Variants in DOT1L observed in about 807,000 individuals in gnomAD.
The protein encoded by DOT1L is DOT1 like histone lysine methyltransferase, also known as histone-lysine N-methyltransferase, H3 lysine-79 specific.
In DOT1L, 33 loss-of-function variants were observed where a neutral mutation model predicts 153.3. That is an observed-to-expected ratio of 0.22 (90% CI 0.16 to 0.29). The LOEUF (loss-of-function observed/expected upper bound fraction) is 0.29. DOT1L is among the 10% of genes least tolerant of loss of function. The probability of loss-of-function intolerance (pLI) is 1.00; values close to 1 mark genes in which losing one functional copy is unlikely to be tolerated. For synonymous variants in DOT1L, 1,135 were observed against 965.1 expected, an observed-to-expected ratio of 1.18 and a Z score of -3.26; for missense variants, 1,847 against 2,119.9, an observed-to-expected ratio of 0.87 and a Z score of 2.53.
Position 2,222,407 on chromosome 19 carries a change from G to A in DOT1L, c.3238G>A (p.Gly1080Arg), listed in dbSNP as rs755921261. The A allele has an allele frequency of 7.4e-6, 12 of 1,610,898 alleles. No homozygotes were observed. Among genetic ancestry groups the A allele is most frequent in the East Asian group, 2.2e-5 (1 of 44,836 alleles). Residue 1080 changes from glycine to arginine, a missense_variant, in exon 24 of 28, where the codon GGG becomes AGG. Gly to Arg is a moderately radical substitution (Grantham distance 125). Around this residue, in one of 8 missense-constraint regions of DOT1L, gnomAD observed 934 missense variants for 825.3 expected, o/e 1.13. Coordinates refer to ENST00000398665, the MANE Select transcript of DOT1L (RefSeq NM_032482.3). The surrounding 1 kb of genome is among the most constrained non-coding windows in gnomAD (Gnocchi z 6.5). ...SARGDCVPSH[G>R]QDSRRRGRRK... ...CCGTGGGGACTGTGTGCCGAGCCAC[G>A]GGCAGGACAGTCGCAGGCGCGGCCG... is the stretch of plus-strand genomic sequence containing the variant.
At chr19:2,184,138 G>C (rs897025279) in intron 2 of DOT1L, among the ~76,000 whole-genome samples, 1 of 152,120 alleles carries the variant, frequency 6.6e-6, no homozygotes, top group Non-Finnish European at 1.5e-5. Context: ...TTTTCTTGCC[G>C]AGTTGCGCTG....
At chr19:2,214,741 C>A in intron 19 of DOT1L, 145 bp downstream of exon 19, 1 of 1,287,516 alleles carries the variant, frequency 7.8e-7, no homozygotes. Flanking sequence ...CTTATGGAAC[C>A]TTCTGTCTTG....
intron 1 of DOT1L, among the ~76,000 whole-genome samples, chr19:2,173,948 C>T (rs997937162): frequency 1.2e-4 from 18 of 152,284 alleles, no homozygotes; most frequent in Admixed American, 7.8e-4. Context: ...TTGGTTGTTG[C>T]GTAGCTTGGG....
rs2023956242 is a variant in DOT1L, at chr19:2,217,690, A to T, written c.2545-82A>T. 6.6e-7 allele frequency: 1 copy of T among 1,517,444 alleles called. No individual in the cohort carries two copies. The highest frequency in any genetic ancestry group is 2.5e-5 in the East Asian group (1 of 40,568). 94.0% of individuals were successfully genotyped at this position (1,517,444 alleles called of 1,614,324 possible). A position where few individuals can be genotyped will look rare whatever the true frequency, so the allele number is the denominator to read the frequency against. On this transcript the variant is annotated intron_variant, in intron 21 of 27. Coordinates refer to ENST00000398665, the MANE Select transcript of DOT1L (RefSeq NM_032482.3). The surrounding 1 kb of genome is among the most constrained non-coding windows in gnomAD (Gnocchi z 7.3). ...GGGGCCGCCTTGAGAGAGCTGTAGC[A>T]GGCCCCCGTCCTGTGGCTGTGGTCC...
At chr19:2,166,654 G>A (rs182098535) in intron 1 of DOT1L, among the ~76,000 whole-genome samples, 32 of 152,176 alleles carry the variant, frequency 2.1e-4, no homozygotes, top group Admixed American at 4.6e-4. Flanking sequence ...CAGGTGATCC[G>A]CCTGCCTTGG....
chr19:2,227,521 G>A, intron 27 of DOT1L: 1 of 538,696 alleles, frequency 1.9e-6, no homozygotes, highest in Non-Finnish European at 3.3e-6. Context: ...GGAGCCGCCG[G>A]GGGGAGCGGC....
At chr19:2,214,669 C>T in intron 19 of DOT1L, 73 bp downstream of exon 19, 1 of 1,562,240 alleles carries the variant, frequency 6.4e-7, no homozygotes, top group Non-Finnish European at 8.7e-7. Flanking sequence ...CGTCGTTGAG[C>T]CTAGGGTGGT....
chr19:2,186,271 G>A (rs2022503728), intron 3 of DOT1L, among the ~76,000 whole-genome samples: 1 of 152,204 alleles, frequency 6.6e-6, no homozygotes, highest in South Asian at 2.1e-4. Context: ...GGGCCTGGGC[G>A]GCCTTAGGCT....
rs2144905966 is a variant in DOT1L, at chr19:2,222,444, C to T, written c.3275C>T (p.Ala1092Val). 2 of 1,608,886 alleles carry T rather than the reference C, an allele frequency of 1.2e-6. No homozygotes were observed. Among genetic ancestry groups the T allele is most frequent in the South Asian group, 2.2e-5 (2 of 90,932 alleles). The part of the protein sequence containing the change: ...DSRRRGRRKR[A>V]SAGTPSLSAG... ...CGCAGGCGCGGCCGGCGGAAGCGAG[C>T]ATCTGCGGGGACGCCCAGCTTGAGC... The change falls in exon 24 of 28, where the codon GCA becomes GTA. Residue 1092 changes from alanine to valine, a missense_variant. Around this residue, in one of 8 missense-constraint regions of DOT1L, gnomAD observed 934 missense variants for 825.3 expected, o/e 1.13. Transcript: ENST00000398665. This position sits in a 1 kb window ranked among gnomAD's most constrained non-coding sequence, Gnocchi z 6.5.
At chr19:2,211,453 C>T (rs963467627) in intron 15 of DOT1L, among the ~76,000 whole-genome samples, 3 of 152,192 alleles carry the variant, frequency 2.0e-5, no homozygotes, top group Non-Finnish European at 4.4e-5. Context: ...CTGCAGTTGT[C>T]ATAACTTAGG....
In DOT1L at chr19:2,216,537, G is replaced by T; in HGVS notation, c.2180G>T (p.Ser727Ile). 6.2e-7 allele frequency: 1 copy of T among 1,611,432 alleles called. No homozygotes were observed. The change falls in exon 20 of 28, where the codon AGC (serine) becomes ATC (isoleucine). Residue 727 changes from serine to isoleucine, a missense_variant. Coordinates refer to ENST00000398665, the MANE Select transcript of DOT1L (RefSeq NM_032482.3). ...AAGYELCGVL[S>I]RPSSKQNTPQ... ...GGCTATGAGCTCTGCGGTGTGCTGA[G>T]CCGGCCTTCGTCGAAGCAGAACACG...
intron 27 of DOT1L, chr19:2,227,920 C>G: frequency 8.2e-7 from 1 of 1,213,538 alleles, no homozygotes; most frequent in Non-Finnish European, 1.0e-6. Flanking sequence ...CCGCCTCCGC[C>G]TCCGCCTCCC....
At chr19:2,180,191 A>G (rs1289403106) in intron 1 of DOT1L, among the ~76,000 whole-genome samples, 2 of 152,052 alleles carry the variant, frequency 1.3e-5, no homozygotes, top group African/African-American at 4.8e-5. Flanking sequence ...CAGTTGGGGA[A>G]ACAGGCCCCG....
chr19:2,220,056 G>C lies in DOT1L; in HGVS notation c.2692-52G>C, dbSNP rs1173970401. 1 of 1,520,570 alleles carries C rather than the reference G, an allele frequency of 6.6e-7. No homozygotes were observed. Among genetic ancestry groups the C allele is most frequent in the African/African-American group, 1.4e-5 (1 of 72,878 alleles). 94.2% of individuals were successfully genotyped at this position (1,520,570 alleles called of 1,614,324 possible). ...CACTCACTGTTTCCAGCTGGGTTCT[G>C]GGTCTCCTGGGGCACCTGCTGCCCC... On this transcript the variant is annotated intron_variant, in intron 22 of 27. Transcript: ENST00000398665. The surrounding 1 kb of genome is among the most constrained non-coding windows in gnomAD (Gnocchi z 4.5).
rs987530038 is a variant in DOT1L at position 2,222,955 on chromosome 19, G to A, written c.3391-326G>A. The A allele has an allele frequency of 2.7e-5, 12 of 443,320 alleles. No individual in the cohort carries two copies. The highest frequency in any genetic ancestry group is 4.0e-5 in the Non-Finnish European group (10 of 249,450). The allele number at this position is 443,320 out of a possible 1,614,324, so 27.5% of individuals were successfully genotyped here. On this transcript the variant is annotated intron_variant, in intron 24 of 27. Coordinates refer to ENST00000398665, the MANE Select transcript of DOT1L (RefSeq NM_032482.3). This position sits in a 1 kb window ranked among gnomAD's most constrained non-coding sequence, Gnocchi z 6.5. ...AGCCCGGCCATCCTCCACCACGTGC[G>A]GCCTGGCAGCCTGGGAAGAGGCGGC...
Position 2,204,809 on chromosome 19 carries a change from ACTGGCCTAAC to A in DOT1L, c.788-1916_788-1907del, listed in dbSNP as rs1218750264. 1.3e-5 allele frequency among the ~76,000 whole-genome samples: 2 copies of A among 152,106 alleles called. No homozygotes were observed. The highest frequency in any genetic ancestry group is 2.9e-5 in the Non-Finnish European group (2 of 68,002). On this transcript the variant is annotated intron_variant, in intron 9 of 27. Coordinates refer to ENST00000398665, the MANE Select transcript of DOT1L (RefSeq NM_032482.3). The surrounding 1 kb of genome is among the most constrained non-coding windows in gnomAD (Gnocchi z 5.7). ...ATGTTTGAGGTCCTCTGGTAGGGAT[ACTGGCCTAAC>A]CTGTGTGCCCAGCCTGGCCCTGGAA... is the stretch of plus-strand genomic sequence containing the variant.
At chr19:2,221,656 G>A (rs1458904108) in intron 23 of DOT1L, 2 of 397,942 alleles carry the variant, frequency 5.0e-6, no homozygotes, top group Non-Finnish European at 9.0e-6. Flanking sequence ...GGGCCAGAGG[G>A]CAACTTACTC....
intron 19 of DOT1L, 123 bp downstream of exon 19, chr19:2,214,719 G>A: frequency 1.4e-6 from 2 of 1,404,486 alleles, no homozygotes; most frequent in East Asian, 2.6e-5. Context: ...GAGGAGGACA[G>A]TTGGGTGGAG....
chr19:2,218,505 T>C (rs1031529710), intron 22 of DOT1L, among the ~76,000 whole-genome samples: 3 of 151,808 alleles, frequency 2.0e-5, no homozygotes, highest in East Asian at 1.9e-4. Context: ...GCCATTCTCC[T>C]GCCTCAGCCT....
Sources: allele counts gnomAD v4.1 joint callset (sites outside exome capture counted in the v4.1 genomes callset), GRCh38; gene constraint gnomAD v4.1.1; regional missense constraint gnomAD v4.1.1; non-coding constraint Gnocchi (gnomAD v3.1); transcripts MANE v1.5; gene names NCBI Gene and HGNC (gene_info 2026-07-23, HGNC 2026-07-21).